STK39: variants seen among roughly 807,000 people sequenced by gnomAD.
STK39 encodes STE20/SPS1-related proline-alanine-rich protein kinase.
A neutral mutation model predicts 77.8 loss-of-function variants in STK39; 20 were observed. That is an observed-to-expected ratio of 0.26 (90% CI 0.18 to 0.37). STK39 has a LOEUF of 0.37. Ranked by LOEUF, STK39 falls within the 10% of genes least tolerant of loss-of-function variation. STK39 has a pLI of 1.00. For synonymous variants in STK39, 246 were observed against 234.1 expected (o/e 1.05, Z -0.47); for missense variants, 479 against 656.5 (o/e 0.73, Z 2.95).
chr2:168,050,367 G>A (rs899802407), intron 14 of STK39, among the ~76,000 whole-genome samples: 6 of 152,302 alleles, frequency 3.9e-5, no homozygotes, highest in Middle Eastern at 3.4e-3. Flanking sequence ...TCCGAAATAC[G>A]TCCACAGCCA....
Position 168,017,377 on chromosome 2 carries a change from ATTTTTTT to A in STK39, c.1377-289_1377-283del, listed in dbSNP as rs386391743. On this transcript the variant is annotated intron_variant, in intron 14 of 17. Coordinates refer to ENST00000355999, the MANE Select transcript of STK39 (RefSeq NM_013233.3). ...AATCTGCACTAAACAGGAAACCTTA[ATTTTTTT>A]TTTTTTTTTTTTTTTTTGAGACAGA... Among the ~76,000 whole-genome samples the A allele has an allele frequency of 1.3e-3, 126 of 93,590 alleles. 1 individual carries two copies. The highest frequency in any genetic ancestry group is 5.2e-3 in the African/African-American group (118 of 22,798). The allele number at this position is 93,590 out of a possible 152,430, so 61.4% of individuals were successfully genotyped here.
At chr2:168,239,564 C>A (rs59734925) in intron 1 of STK39, among the ~76,000 whole-genome samples, 3,631 of 152,282 alleles carry the variant, frequency 0.024, 151 homozygotes, top group African/African-American at 0.078. Flanking sequence ...CTAAATAAAC[C>A]CCATCATTAA....
intron 1 of STK39, among the ~76,000 whole-genome samples, chr2:168,245,927 C>G (rs1398606130): frequency 1.3e-5 from 2 of 152,020 alleles, no homozygotes; most frequent in East Asian, 1.9e-4. Context: ...AGGTTACGGA[C>G]CTGCCCAACA....
intron 10 of STK39, among the ~76,000 whole-genome samples, chr2:168,126,602 G>A (rs952626236): frequency 1.3e-5 from 2 of 152,154 alleles, no homozygotes; most frequent in African/African-American, 2.4e-5. Context: ...CTAGGAACAC[G>A]TGTATGCCAA....
At chr2:168,076,595 T>C (rs1027642639) in intron 10 of STK39, among the ~76,000 whole-genome samples, 2 of 152,168 alleles carry the variant, frequency 1.3e-5, no homozygotes, top group African/African-American at 4.8e-5. Context: ...TCCTGACCAG[T>C]TGGTCTAGAA....
In STK39 at chr2:168,153,790, T is replaced by C. The variant is rs536429841; in HGVS notation, c.628+7997A>G. ...CAGCATGCAAGGTAAGGAGGCCGAT[T>C]TGACTGAAGAGGAAGATGTAAGAGT... On this transcript the variant is annotated intron_variant, in intron 5 of 17. Transcript: ENST00000355999. Among the ~76,000 whole-genome samples the C allele has an allele frequency of 3.9e-5, 6 of 152,184 alleles. No individual in the cohort carries two copies. In the South Asian group the frequency reaches 1.2e-3, roughly 32 times the overall value.
intron 4 of STK39, among the ~76,000 whole-genome samples, chr2:168,162,428 G>A (rs1459359113): frequency 6.6e-6 from 1 of 151,312 alleles, no homozygotes; most frequent in Non-Finnish European, 1.5e-5. Flanking sequence ...TCAGTAAATA[G>A]ACTCTCTATT....
intron 1 of STK39, among the ~76,000 whole-genome samples, chr2:168,217,982 GCCT>G (rs1160916730): frequency 6.6e-6 from 1 of 152,190 alleles, no homozygotes; most frequent in Non-Finnish European, 1.5e-5. Flanking sequence ...GACAGAAATA[GCCT>G]CCTAGCAGTA....
chr2:168,236,568 G>T (rs545580081), intron 1 of STK39, among the ~76,000 whole-genome samples: 2 of 152,102 alleles, frequency 1.3e-5, no homozygotes, highest in Non-Finnish European at 1.5e-5. Flanking sequence ...TTTCTTCTAG[G>T]GTTTTTATGG....
intron 17 of STK39, among the ~76,000 whole-genome samples, chr2:167,958,653 A>G (rs942657520): frequency 6.6e-6 from 1 of 152,316 alleles, no homozygotes. Flanking sequence ...TCATACAAAT[A>G]TATATGAAAG....
rs1238134942 is a variant in STK39 at position 168,247,427 on chromosome 2, C to G, written c.9G>C (p.Glu3Asp). ...GGACGTGCACGGGCGAGCCGCTCGGCTCCGCCATGATGCTGCGGAGGAGAG... is the reference window on the plus strand; with the variant it reads ...GGACGTGCACGGGCGAGCCGCTCGGGTCCGCCATGATGCTGCGGAGGAGAG... MA[E>D]PSGSPVHVQL... Residue 3 changes from glutamate to aspartate, a missense_variant, in exon 1 of 18, where the codon GAG (glutamate) becomes GAC (aspartate). Glu to Asp is a conservative substitution (Grantham distance 45). This residue lies in a region of STK39 where 96 missense variants were observed against 79.1 expected (regional missense o/e 1.21). Transcript: ENST00000355999. 2 of 1,261,330 alleles carry G rather than the reference C, an allele frequency of 1.6e-6. No homozygotes were observed. Among genetic ancestry groups the G allele is most frequent in the Admixed American group, 3.0e-5 (1 of 33,622 alleles). The allele number at this position is 1,261,330 out of a possible 1,614,324, so 78.1% of individuals were successfully genotyped here.
At position 168,022,997 on chromosome 2, in the gene STK39, C is replaced by G. The variant is rs1000290354; in HGVS notation, c.1377-5902G>C. Among the ~76,000 whole-genome samples, 4 of 152,192 alleles carry G rather than the reference C, an allele frequency of 2.6e-5. No homozygotes were observed. In the East Asian group the frequency reaches 7.7e-4, roughly 29 times the overall value. On this transcript the variant is annotated intron_variant, in intron 14 of 17. Transcript: ENST00000355999. ...TGGCACACTTGTTGCTCACTGCAGCCTCGAACTCTCGGGCTCAAGCAATCC... is the reference window on the plus strand; with the variant it reads ...TGGCACACTTGTTGCTCACTGCAGCGTCGAACTCTCGGGCTCAAGCAATCC...
At chr2:168,188,819 G>A (rs143033975) in intron 1 of STK39, among the ~76,000 whole-genome samples, 3 of 152,290 alleles carry the variant, frequency 2.0e-5, no homozygotes, top group Admixed American at 6.5e-5. Context: ...GAACAGTAAC[G>A]GTGAGACACA....
intron 8 of STK39, among the ~76,000 whole-genome samples, chr2:168,136,367 CAAA>C (rs775507627): frequency 9.3e-5 from 6 of 64,830 alleles, no homozygotes; most frequent in Non-Finnish European, 1.6e-4. Flanking sequence ...GACTCCGTCT[CAAA>C]AAAAAAAAAA....
chr2:168,187,700 T>C (rs1689242671), intron 1 of STK39, among the ~76,000 whole-genome samples: 1 of 152,256 alleles, frequency 6.6e-6, no homozygotes, highest in African/African-American at 2.4e-5. Context: ...TAATGTACCA[T>C]AATTTATTCA....
chr2:168,000,560 A>G (rs185538192), intron 16 of STK39, among the ~76,000 whole-genome samples: 2 of 152,356 alleles, frequency 1.3e-5, no homozygotes, highest in African/African-American at 2.4e-5. Context: ...TTATTACTCA[A>G]TACCATGAAC....
At chr2:168,243,713 G>A (rs1690830021) in intron 1 of STK39, among the ~76,000 whole-genome samples, 1 of 152,192 alleles carries the variant, frequency 6.6e-6, no homozygotes, top group African/African-American at 2.4e-5. Flanking sequence ...TTCTTTGAAT[G>A]AGAAGTTCAT....
intron 10 of STK39, among the ~76,000 whole-genome samples, chr2:168,115,082 C>G (rs763998991): frequency 6.6e-6 from 1 of 152,090 alleles, no homozygotes; most frequent in African/African-American, 2.4e-5. Context: ...GCCTGAAGTA[C>G]CTCGTATAAT....
chr2:168,220,268 G>C (rs1690134184), intron 1 of STK39, among the ~76,000 whole-genome samples: 1 of 151,974 alleles, frequency 6.6e-6, no homozygotes, highest in South Asian at 2.1e-4. Context: ...ACAAAGCTGA[G>C]AACTTCTCTG....
Sources: allele counts gnomAD v4.1 joint callset (sites outside exome capture counted in the v4.1 genomes callset), GRCh38; gene constraint gnomAD v4.1.1; regional missense constraint gnomAD v4.1.1; transcripts MANE v1.5; gene names NCBI Gene and HGNC (gene_info 2026-07-23, HGNC 2026-07-21).